The following CHCHD3 variants were observed in gnomAD, a reference collection of about 807,000 sequenced individuals.
The protein encoded by CHCHD3 is MICOS complex subunit MIC19.
A neutral mutation model predicts 38.2 loss-of-function variants in CHCHD3; 20 were observed. The observed-to-expected ratio is 0.52, with a 90% CI of 0.37 to 0.76. CHCHD3 has a LOEUF of 0.76. Among genes scored for constraint, CHCHD3 ranks in the 30% least tolerant of loss-of-function variants. CHCHD3 has a pLI of 0.00. For missense variants in CHCHD3, 245 were observed against 279.2 expected (o/e 0.88, Z 0.87); for synonymous variants, 82 against 100.0 (o/e 0.82, Z 1.07).
At chr7:132,858,926 G>A (rs544972633) in intron 5 of CHCHD3, among the ~76,000 whole-genome samples, 2 of 152,240 alleles carry the variant, frequency 1.3e-5, no homozygotes, top group South Asian at 4.1e-4. Flanking sequence ...TTTTCCAGAT[G>A]AGAAAACTAA....
chr7:132,852,076 A>G (rs1449325917), intron 5 of CHCHD3, among the ~76,000 whole-genome samples: 1 of 152,200 alleles, frequency 6.6e-6, no homozygotes, highest in African/African-American at 2.4e-5. Flanking sequence ...CTCCTTTAAC[A>G]GCAACACTCT....
At chr7:132,901,238 T>C (rs1809657838) in intron 4 of CHCHD3, among the ~76,000 whole-genome samples, 1 of 152,128 alleles carries the variant, frequency 6.6e-6, no homozygotes, top group Non-Finnish European at 1.5e-5. Flanking sequence ...AGAGATAAGA[T>C]CTTGGGAATA....
intron 4 of CHCHD3, chr7:132,972,485 G>C (rs560833943): frequency 5.5e-5 from 40 of 721,644 alleles, no homozygotes; most frequent in Admixed American, 3.8e-4. Context: ...AGTACATTGA[G>C]TGATTTTAGT....
chr7:133,048,809 G>A (rs548707355), intron 2 of CHCHD3, among the ~76,000 whole-genome samples: 2 of 152,174 alleles, frequency 1.3e-5, no homozygotes, highest in South Asian at 4.2e-4. Flanking sequence ...CAAAGTGAGA[G>A]AGCAAGCACT....
At chr7:133,003,292 G>A (rs1006808438) in intron 3 of CHCHD3, among the ~76,000 whole-genome samples, 1 of 152,184 alleles carries the variant, frequency 6.6e-6, no homozygotes, top group African/African-American at 2.4e-5. Context: ...GGCTAAAGCA[G>A]CACAGAGTTG....
intron 4 of CHCHD3, among the ~76,000 whole-genome samples, chr7:132,932,509 C>T (rs1810537672): frequency 6.6e-6 from 1 of 152,168 alleles, no homozygotes; most frequent in African/African-American, 2.4e-5. Flanking sequence ...TGCTTATTGG[C>T]CTACGCAACT....
intron 3 of CHCHD3, among the ~76,000 whole-genome samples, chr7:132,987,635 C>G (rs1014967488): frequency 6.6e-6 from 1 of 152,180 alleles, no homozygotes; most frequent in Admixed American, 6.5e-5. Context: ...CACAAGGGTT[C>G]AGATTATCCA....
chr7:132,979,879 A>G (rs577096685), intron 3 of CHCHD3, among the ~76,000 whole-genome samples: 22 of 152,248 alleles, frequency 1.4e-4, no homozygotes, highest in African/African-American at 4.8e-4. Context: ...CCTCCAAAAT[A>G]TTGCATGGCA....
rs1375732877 is a variant in CHCHD3 at position 133,035,315 on chromosome 7, A to G, written c.170-10688T>C. 6.2e-7 allele frequency: 1 copy of G among 1,611,490 alleles called. No homozygotes were observed. The highest frequency in any genetic ancestry group is 8.5e-7 in the Non-Finnish European group (1 of 1,177,646). Reference sequence around the variant, plus strand: ...CACACAGTTTCAGTTCCCCCAAGACAGCCCGGAACTGGGGCTGGTTAATGC... The same window carrying G: ...CACACAGTTTCAGTTCCCCCAAGACGGCCCGGAACTGGGGCTGGTTAATGC... On this transcript the variant is annotated intron_variant, in intron 2 of 7. Transcript: ENST00000262570. The surrounding 1 kb of genome is among the most constrained non-coding windows in gnomAD (Gnocchi z 4.7).
At chr7:132,918,658 AT>A (rs1810180210) in intron 4 of CHCHD3, among the ~76,000 whole-genome samples, 1 of 152,282 alleles carries the variant, frequency 6.6e-6, no homozygotes, top group East Asian at 1.9e-4. Context: ...AAAAGACTCA[AT>A]CTGAGTGCAG....
intron 3 of CHCHD3, chr7:133,022,572 G>A (rs1315951828): frequency 6.9e-6 from 3 of 435,080 alleles, no homozygotes; most frequent in Non-Finnish European, 1.4e-5. Context: ...CACATTTTTT[G>A]CCAAGATTTG....
At chr7:132,887,434 A>G (rs1254895665) in intron 4 of CHCHD3, among the ~76,000 whole-genome samples, 2 of 151,772 alleles carry the variant, frequency 1.3e-5, no homozygotes, top group Admixed American at 6.6e-5. Flanking sequence ...AACCCAAAAT[A>G]TAAATAAAGA....
chr7:133,082,022 C>A lies in CHCHD3; in HGVS notation c.-85G>T. 1.6e-6 allele frequency: 2 copies of A among 1,248,834 alleles called. No homozygotes were observed. Among genetic ancestry groups the A allele is most frequent in the Non-Finnish European group, 2.2e-6 (2 of 917,918 alleles). The allele number at this position is 1,248,834 out of a possible 1,614,324, so 77.4% of individuals were successfully genotyped here. A position where few individuals can be genotyped will look rare whatever the true frequency, so the allele number is the denominator to read the frequency against. ...CGCACCCACACGCGCGTGGAAGGGC[C>A]TGGATTCTTTTCCCGCACAGCGGGA... On this transcript the variant is annotated 5_prime_UTR_variant, in exon 1 of 8. The change creates a new upstream start codon in the 5' untranslated region. Coordinates refer to ENST00000262570, the MANE Select transcript of CHCHD3 (RefSeq NM_017812.4).
chr7:133,010,298 CTT>C (rs1380511636), intron 3 of CHCHD3, among the ~76,000 whole-genome samples: 1 of 152,098 alleles, frequency 6.6e-6, no homozygotes, highest in African/African-American at 2.4e-5. Flanking sequence ...GGAGCATCAT[CTT>C]ATAGGCCACA....
intron 4 of CHCHD3, among the ~76,000 whole-genome samples, chr7:132,920,253 G>A (rs1175540560): frequency 1.3e-5 from 2 of 152,062 alleles, no homozygotes; most frequent in East Asian, 1.9e-4. Context: ...CTACTTTCAC[G>A]CTACAATGAC....
chr7:132,935,631 A>T (rs1185102388), intron 4 of CHCHD3, among the ~76,000 whole-genome samples: 1 of 152,304 alleles, frequency 6.6e-6, no homozygotes, highest in East Asian at 1.9e-4. Flanking sequence ...CATTTATACT[A>T]AAGAGATGGT....
At chr7:132,845,311 G>C (rs575811277) in intron 5 of CHCHD3, among the ~76,000 whole-genome samples, 1 of 151,946 alleles carries the variant, frequency 6.6e-6, no homozygotes, top group Non-Finnish European at 1.5e-5. Context: ...ATTTGAACAG[G>C]GGGAAAAAAA....
At chr7:132,915,019 G>A (rs1039563491) in intron 4 of CHCHD3, among the ~76,000 whole-genome samples, 3 of 151,882 alleles carry the variant, frequency 2.0e-5, no homozygotes, top group South Asian at 2.1e-4. Context: ...AAAATTAGCC[G>A]GGTGTGGTGG....
chr7:133,028,897 A>G (rs111477373), intron 2 of CHCHD3, among the ~76,000 whole-genome samples: 12 of 151,564 alleles, frequency 7.9e-5, no homozygotes, highest in Non-Finnish European at 1.2e-4. Flanking sequence ...AAAAAAAAAA[A>G]AAAAGAAAAG....
Sources: gnomAD v4.1 joint callset for allele counts (sites outside exome capture counted in the v4.1 genomes callset) on GRCh38, gnomAD v4.1.1 for gene constraint, Gnocchi (gnomAD v3.1) non-coding constraint, MANE v1.5 for transcripts, NCBI Gene and HGNC (gene_info 2026-07-23, HGNC 2026-07-21) for gene names.